ASCC3: variants seen among roughly 807,000 people sequenced by gnomAD.
ASCC3 encodes ASC-1 complex subunit P200.
In ASCC3, 158 loss-of-function variants were observed where a neutral mutation model predicts 256.3. That is an observed-to-expected ratio of 0.62 (90% CI 0.54 to 0.70). The LOEUF is 0.70. Ranked by LOEUF, ASCC3 falls within the 30% of genes least tolerant of loss-of-function variation. ASCC3 has a pLI of 0.00. For missense variants in ASCC3, 2,259 were observed against 2,626.0 expected, an observed-to-expected ratio of 0.86 and a Z score of 3.05; for synonymous variants, 948 against 883.4, an observed-to-expected ratio of 1.07 and a Z score of -1.30.
intron 8 of ASCC3, among the ~76,000 whole-genome samples, chr6:100,773,836 CA>C (rs1479533929): frequency 6.6e-6 from 1 of 152,090 alleles, no homozygotes; most frequent in Non-Finnish European, 1.5e-5. Flanking sequence ...GATAGATATA[CA>C]CTGCATACAT....
At chr6:100,806,301 T>G (rs550652445) in intron 4 of ASCC3, among the ~76,000 whole-genome samples, 2 of 152,020 alleles carry the variant, frequency 1.3e-5, no homozygotes, top group African/African-American at 4.8e-5. Context: ...ACCATTAGAA[T>G]GTTTTAATGA....
chr6:100,828,495 G>A (rs952678896), intron 4 of ASCC3, among the ~76,000 whole-genome samples: 1 of 152,104 alleles, frequency 6.6e-6, no homozygotes, highest in Admixed American at 6.5e-5. Context: ...ATGAAGCCGC[G>A]GACCCTCGCA....
intron 36 of ASCC3, among the ~76,000 whole-genome samples, chr6:100,553,049 C>T (rs1244390966): frequency 2.0e-5 from 3 of 152,052 alleles, no homozygotes; most frequent in South Asian, 4.1e-4. Flanking sequence ...TTCACAGTTT[C>T]TCTAAGCTCT....
chr6:100,720,318 T>C (rs756781178), intron 11 of ASCC3, among the ~76,000 whole-genome samples: 12 of 151,294 alleles, frequency 7.9e-5, no homozygotes, highest in Non-Finnish European at 1.8e-4. Flanking sequence ...AAAAAGGGAG[T>C]GCAAAGAAAA....
Position 100,696,375 on chromosome 6 carries a change from C to T in ASCC3, c.2152-16623G>A, listed in dbSNP as rs139818251. ...ATACATGGATAATTGTATCAGATTT[C>T]GTTGGCACATAAAATTTCATATTCG... On this transcript the variant is annotated intron_variant, in intron 13 of 41. Coordinates refer to ENST00000369162, the MANE Select transcript of ASCC3 (RefSeq NM_006828.4). 3.4e-3 allele frequency among the ~76,000 whole-genome samples: 523 copies of T among 152,056 alleles called. 3 individuals carry two copies. The highest frequency in any genetic ancestry group is 0.012 in the African/African-American group (497 of 41,512).
chr6:100,749,720 G>A (rs1011031003), intron 10 of ASCC3, among the ~76,000 whole-genome samples: 1 of 151,774 alleles, frequency 6.6e-6, no homozygotes, highest in African/African-American at 2.4e-5. Context: ...ATATGTCTAT[G>A]TATTCAACCA....
At chr6:100,849,084 AAC>A (rs2114506242) in intron 3 of ASCC3, among the ~76,000 whole-genome samples, 1 of 152,322 alleles carries the variant, frequency 6.6e-6, no homozygotes, top group South Asian at 2.1e-4. Context: ...CAGCCTGGGC[AAC>A]AGTGTGAGAC....
At chr6:100,801,031 C>T (rs1769892508) in intron 5 of ASCC3, among the ~76,000 whole-genome samples, 2 of 151,852 alleles carry the variant, frequency 1.3e-5, no homozygotes, top group South Asian at 4.1e-4. Flanking sequence ...GAGACAATAA[C>T]TAAAGCAAAT....
At chr6:100,757,631 G>C (rs1476839211) in intron 10 of ASCC3, among the ~76,000 whole-genome samples, 1 of 152,070 alleles carries the variant, frequency 6.6e-6, no homozygotes, top group Admixed American at 6.6e-5. Context: ...AAGTCTATAT[G>C]GCTGAACAAG....
chr6:100,560,762 C>CACACACACACACAA (rs1769893123), intron 36 of ASCC3, among the ~76,000 whole-genome samples: 1 of 149,020 alleles, frequency 6.7e-6, no homozygotes, highest in Non-Finnish European at 1.5e-5. Flanking sequence ...CACACACACA[C>CACACACACACACAA]ACACACACAC....
rs138325848 is a variant in ASCC3 at position 100,686,449 on chromosome 6, T to C, written c.2152-6697A>G. Among the ~76,000 whole-genome samples, 408 of 152,278 alleles carry C rather than the reference T, an allele frequency of 2.7e-3. 1 individual carries two copies. The highest frequency in any genetic ancestry group is 8.9e-3 in the African/African-American group (370 of 41,570). On this transcript the variant is annotated intron_variant, in intron 13 of 41. Transcript: ENST00000369162. Reference sequence around the variant, plus strand: ...TATTTAAACAACTACAAATTCACAATTTTAATCCCTTTTCACCATATGGTA... The same window carrying C: ...TATTTAAACAACTACAAATTCACAACTTTAATCCCTTTTCACCATATGGTA...
intron 30 of ASCC3, among the ~76,000 whole-genome samples, chr6:100,610,173 C>T (rs941553120): frequency 6.6e-6 from 1 of 152,044 alleles, no homozygotes; most frequent in African/African-American, 2.4e-5. Flanking sequence ...TTTTATATGC[C>T]TGAGATAGAA....
intron 8 of ASCC3, among the ~76,000 whole-genome samples, chr6:100,795,955 C>T (rs1003222809): frequency 1.3e-5 from 2 of 152,104 alleles, no homozygotes; most frequent in Non-Finnish European, 2.9e-5. Flanking sequence ...TGTATTATTA[C>T]TCAAGCTTAT....
Position 100,715,465 on chromosome 6 carries a change from G to T in ASCC3, c.2148C>A (p.His716Gln), listed in dbSNP as rs1051333552. ...ENVLKQVKAG[H>Q]QVMVFVHARN... ...AAAGCAGATAAAATAAGTGTACCTG[G>T]TGTCCAGCCTTTACTTGCTTCAAAA... The change falls in exon 13 of 42, where the codon CAC becomes CAA. Residue 716 changes from histidine (H) to glutamine (Q), a missense_variant. By Grantham distance (24) the His-to-Gln change is conservative. This residue lies in a region of ASCC3 where 1,839 missense variants were observed against 2,206.7 expected (regional missense o/e 0.83). Coordinates refer to ENST00000369162, the MANE Select transcript of ASCC3 (RefSeq NM_006828.4). The T allele has an allele frequency of 4.4e-6, 7 of 1,608,604 alleles. No individual in the cohort carries two copies. In the Admixed American group the frequency reaches 1.0e-4, roughly 23 times the overall value.
intron 4 of ASCC3, among the ~76,000 whole-genome samples, chr6:100,838,026 C>A (rs894788727): frequency 2.6e-5 from 4 of 151,664 alleles, no homozygotes; most frequent in Admixed American, 1.3e-4. Context: ...CCATTAAAAA[C>A]AAAATTTAAA....
chr6:100,683,255 G>A (rs1777393754), intron 13 of ASCC3, among the ~76,000 whole-genome samples: 1 of 152,054 alleles, frequency 6.6e-6, no homozygotes, highest in African/African-American at 2.4e-5. Context: ...TAATTCAAAT[G>A]CCACATTATG....
At position 100,710,151 on chromosome 6, in the gene ASCC3, T is replaced by C. The variant is rs764147897; in HGVS notation, c.2151+5311A>G. Among the ~76,000 whole-genome samples the C allele has an allele frequency of 2.6e-4, 39 of 152,198 alleles. 1 individual carries two copies. Among genetic ancestry groups the C allele is most frequent in the Non-Finnish European group, 4.7e-4 (32 of 68,036 alleles). On this transcript the variant is annotated intron_variant, in intron 13 of 41. Transcript: ENST00000369162. ...ATCCAAAAGTTTGTTAGTAGACTCT[T>C]AAACTGCAATCATACTTTACACAAT...
intron 30 of ASCC3, among the ~76,000 whole-genome samples, chr6:100,607,494 T>A (rs912628034): frequency 6.6e-6 from 1 of 151,778 alleles, no homozygotes; most frequent in African/African-American, 2.4e-5. Context: ...AAAAAAAAAA[T>A]CAGCCATAAT....
At chr6:100,870,607 G>A (rs1487150458) in intron 1 of ASCC3, among the ~76,000 whole-genome samples, 1 of 152,128 alleles carries the variant, frequency 6.6e-6, no homozygotes, top group African/African-American at 2.4e-5. Flanking sequence ...CTGGTATGAG[G>A]ACAGCTGGGG....
Sources: gnomAD v4.1 joint callset for allele counts (sites outside exome capture counted in the v4.1 genomes callset) on GRCh38, gnomAD v4.1.1 for gene constraint, gnomAD v4.1.1 regional missense constraint, MANE v1.5 for transcripts, NCBI Gene and HGNC (gene_info 2026-07-23, HGNC 2026-07-21) for gene names.